The following MROH1 variants were observed in gnomAD, a reference collection of about 807,000 sequenced individuals.
MROH1 encodes maestro heat like repeat family member 1.
Under a neutral mutation model 116.5 loss-of-function variants are expected in MROH1, and 117 were observed. That is an observed-to-expected ratio of 1.00 (90% CI 0.86 to 1.17). MROH1 has a LOEUF of 1.17. Ranked by LOEUF, MROH1 falls within the 50% of genes most tolerant of loss-of-function variation. MROH1 has a pLI of 0.00. For missense variants in MROH1, 1,873 were observed against 1,338.5 expected (o/e 1.40, Z -6.23); for synonymous variants, 921 against 583.9 (o/e 1.58, Z -8.32).
rs1841503628 is a variant in MROH1 at position 144,244,250 on chromosome 8, G to A, written c.2584G>A (p.Ala862Thr). Residue 862 changes from alanine to threonine, a missense_variant, in exon 27 of 44, where the codon GCC becomes ACC. Ala to Thr is a moderately conservative substitution (Grantham distance 58). Coordinates refer to ENST00000326134, the MANE Select transcript of MROH1 (RefSeq NM_032450.3). ...VSVEPALDEQ[A>T]RADVIHGCLH... Reference sequence around the variant, plus strand: ...CGTGGAGCCAGCGCTGGACGAGCAGGCCCGGGCGGATGTGATCCATGGCTG... The same window carrying A: ...CGTGGAGCCAGCGCTGGACGAGCAGACCCGGGCGGATGTGATCCATGGCTG... 1.4e-6 allele frequency: 1 copy of A among 718,294 alleles called. No homozygotes were observed. The highest frequency in any genetic ancestry group is 2.6e-6 in the Non-Finnish European group (1 of 384,992). The allele number at this position is 718,294 out of a possible 1,614,324, so 44.5% of individuals were successfully genotyped here. A position where few individuals can be genotyped will look rare whatever the true frequency, so the allele number is the denominator to read the frequency against.
Position 144,200,454 on chromosome 8 carries a change from G to T in MROH1, c.1054G>T (p.Ala352Ser). 1 of 1,550,912 alleles carries T rather than the reference G, an allele frequency of 6.4e-7. No individual in the cohort carries two copies. The highest frequency in any genetic ancestry group is 8.7e-7 in the Non-Finnish European group (1 of 1,147,296). Residue 352 changes from alanine to serine, a missense_variant, in exon 12 of 44, where the codon GCC becomes TCC. Ala to Ser is a moderately conservative substitution (Grantham distance 99). Coordinates refer to ENST00000326134, the MANE Select transcript of MROH1 (RefSeq NM_032450.3). Reference protein sequence around the residue: ...LACSSPDRLLAFLLPRLDTSN... With the variant: ...LACSSPDRLLSFLLPRLDTSN... ...CTGCAGCTCGCCTGACCGCCTACTG[G>T]CCTTCCTGCTGCCCAGGCTGGACAC... is the stretch of plus-strand genomic sequence containing the variant.
chr8:144,230,354 A>G (rs1838614697), intron 14 of MROH1, among the ~76,000 whole-genome samples: 1 of 152,160 alleles, frequency 6.6e-6, no homozygotes, highest in African/African-American at 2.4e-5. Context: ...TTTTCTTATC[A>G]TTCGTGTGTT....
intron 14 of MROH1, 72 bp downstream of exon 14, chr8:144,223,302 G>A: frequency 6.6e-7 from 1 of 1,524,214 alleles, no homozygotes; most frequent in Non-Finnish European, 8.8e-7. Context: ...CTGGCATCAG[G>A]AGCCACTGGC....
chr8:144,177,967 CTTT>C (rs61011280), intron 4 of MROH1, among the ~76,000 whole-genome samples: 4 of 143,888 alleles, frequency 2.8e-5, no homozygotes, highest in Non-Finnish European at 4.5e-5. Flanking sequence ...ATTTCTTCTT[CTTT>C]TTTTTTTTTT....
intron 36 of MROH1, 117 bp from the exon 37 acceptor site, chr8:144,259,123 A>G (rs1420299514): frequency 2.9e-6 from 2 of 690,398 alleles, no homozygotes; most frequent in East Asian, 2.7e-5. Context: ...GAAACATAGA[A>G]CTCCCAGAAC....
At chr8:144,246,484 T>C (rs1403224274) in intron 29 of MROH1, among the ~76,000 whole-genome samples, 2 of 152,152 alleles carry the variant, frequency 1.3e-5, no homozygotes, top group Admixed American at 1.3e-4. Context: ...TCTTCCCACC[T>C]CATACTTTCA....
chr8:144,226,515 C>T (rs1837853327), intron 14 of MROH1, among the ~76,000 whole-genome samples: 1 of 151,734 alleles, frequency 6.6e-6, no homozygotes, highest in African/African-American at 2.4e-5. Context: ...TAAAATGGTG[C>T]CATGCTGGCT....
At position 144,260,046 on chromosome 8, in the gene MROH1, T is replaced by C; in HGVS notation, c.4180T>C (p.Cys1394Arg). 1 of 725,646 alleles carries C rather than the reference T, an allele frequency of 1.4e-6. No homozygotes were observed. Among genetic ancestry groups the C allele is most frequent in the Non-Finnish European group, 2.5e-6 (1 of 398,412 alleles). 45.0% of individuals were successfully genotyped at this position (725,646 alleles called of 1,614,324 possible). Residue 1394 changes from cysteine (C) to arginine (R), a missense_variant, in exon 38 of 44, where the codon TGC becomes CGC. Physicochemically the swap from Cys to Arg is radical, Grantham distance 180. Transcript: ENST00000326134. ...CGGCCTGGCCAACCTGGCCTCCGGC[T>C]GCCCTGACAAGGTGGGGTGGCCACC... is the stretch of plus-strand genomic sequence containing the variant. ...LRGLANLASG[C>R]PDKVRTHGPQ...
At chr8:144,239,896 C>T in intron 18 of MROH1, 141 bp downstream of exon 18, 2 of 672,352 alleles carry the variant, frequency 3.0e-6, no homozygotes, top group South Asian at 1.7e-5. Context: ...TTGGAAAATA[C>T]AGTCTCCCCT....
At chr8:144,227,770 C>T (rs1355785383) in intron 14 of MROH1, among the ~76,000 whole-genome samples, 1 of 151,914 alleles carries the variant, frequency 6.6e-6, no homozygotes, top group African/African-American at 2.4e-5. Context: ...GGCAACATAG[C>T]GAGACCTTAT....
intron 1 of MROH1, among the ~76,000 whole-genome samples, chr8:144,160,653 C>T (rs1819287362): frequency 1.3e-5 from 2 of 150,178 alleles, no homozygotes; most frequent in South Asian, 2.1e-4. Context: ...CCGGCTAGAA[C>T]CCAGGCACCA....
chr8:144,200,885 A>G (rs1423289734), intron 12 of MROH1: 5 of 253,208 alleles, frequency 2.0e-5, no homozygotes, highest in Non-Finnish European at 3.9e-5. Context: ...GATCTATTCA[A>G]AGACACACTT....
chr8:144,222,925 G>C (rs752222919), intron 13 of MROH1, among the ~76,000 whole-genome samples, 183 bp from the exon 14 acceptor site: 73 of 151,944 alleles, frequency 4.8e-4, no homozygotes, highest in Non-Finnish European at 8.7e-4. Flanking sequence ...GGTAGGTCCA[G>C]GTACAGGTGT....
At chr8:144,217,696 C>T (rs924899331) in intron 12 of MROH1, among the ~76,000 whole-genome samples, 7 of 152,322 alleles carry the variant, frequency 4.6e-5, no homozygotes, top group East Asian at 1.9e-4. Flanking sequence ...CTCTGCCTCC[C>T]GGCTTCAAGC....
Position 144,261,898 on chromosome 8 carries a change from G to C in MROH1, c.*158G>C, listed in dbSNP as rs1426917094. 3 of 664,738 alleles carry C rather than the reference G, an allele frequency of 4.5e-6. No homozygotes were observed. Among genetic ancestry groups the C allele is most frequent in the African/African-American group, 3.6e-5 (2 of 56,020 alleles). 41.2% of individuals were successfully genotyped at this position (664,738 alleles called of 1,614,324 possible). On this transcript the variant is annotated 3_prime_UTR_variant, in exon 44 of 44. Transcript: ENST00000326134. Reference sequence around the variant, plus strand: ...ACCAAACCCAAGCCCTTCAGTGAGGGATGTGCCCAATAAACTCATCTGCTC... The same window carrying C: ...ACCAAACCCAAGCCCTTCAGTGAGGCATGTGCCCAATAAACTCATCTGCTC...
intron 32 of MROH1, 23 bp downstream of exon 32, chr8:144,249,052 G>A (rs1842388879): frequency 4.3e-6 from 3 of 697,948 alleles, no homozygotes; most frequent in East Asian, 5.7e-5. Context: ...GGGGCGCGGG[G>A]GGTGCTCCAG....
intron 14 of MROH1, among the ~76,000 whole-genome samples, chr8:144,225,853 C>T (rs969644705): frequency 6.7e-5 from 10 of 148,772 alleles, no homozygotes; most frequent in East Asian, 4.0e-4. Context: ...AGCCACTGCA[C>T]GTGGCCTAAA....
chr8:144,260,605 GGCAGGGGGCTAGGCAGGCAGGCCT>G, intron 39 of MROH1, 48 bp from the exon 40 acceptor site: 1 of 767,512 alleles, frequency 1.3e-6, no homozygotes. Context: ...ACCCATCAAT[GGCAGGGGGCTAGGCAGGCAGGCCT>G]GCAGGGGCAC....
intron 12 of MROH1, among the ~76,000 whole-genome samples, chr8:144,217,346 T>A (rs1835497341): frequency 6.6e-6 from 1 of 152,334 alleles, no homozygotes; most frequent in African/African-American, 2.4e-5. Flanking sequence ...GCTATATGTG[T>A]ACGGTGTATA....
Sources: gnomAD v4.1 joint callset for allele counts (sites outside exome capture counted in the v4.1 genomes callset) on GRCh38, gnomAD v4.1.1 for gene constraint, MANE v1.5 for transcripts, NCBI Gene and HGNC (gene_info 2026-07-23, HGNC 2026-07-21) for gene names.